KCNJ6: variants seen among roughly 807,000 people sequenced by gnomAD.
The protein encoded by KCNJ6 is G protein-activated inward rectifier potassium channel 2.
KCNJ6 carries 9 observed loss-of-function variants against 34.2 expected under a neutral mutation model. The observed-to-expected ratio is 0.26, with a 90% CI of 0.16 to 0.46. The LOEUF is 0.46. Ranked by LOEUF, KCNJ6 falls within the 20% of genes least tolerant of loss-of-function variation. The pLI is 1.00. For synonymous variants in KCNJ6, 196 were observed against 207.1 expected (o/e 0.95, Z 0.46); for missense variants, 236 against 531.3 (o/e 0.44, Z 5.46).
At chr21:37,880,504 C>G (rs13048417) in intron 1 of KCNJ6, among the ~76,000 whole-genome samples, 104 of 152,212 alleles carry the variant, frequency 6.8e-4, no homozygotes, top group Non-Finnish European at 1.1e-3. Flanking sequence ...GTAAGATCCC[C>G]AAACAAAGAA....
intron 1 of KCNJ6, among the ~76,000 whole-genome samples, chr21:37,909,621 C>T (rs907062210): frequency 3.3e-5 from 5 of 152,174 alleles, no homozygotes; most frequent in Admixed American, 6.5e-5. Flanking sequence ...CCACCTGACT[C>T]GGCCTCCTAA....
intron 2 of KCNJ6, among the ~76,000 whole-genome samples, chr21:37,807,051 G>T (rs932751009): frequency 1.3e-5 from 2 of 152,066 alleles, no homozygotes; most frequent in Non-Finnish European, 2.9e-5. Context: ...ATTTAGAAAG[G>T]TTGTTTTTCA....
chr21:37,681,440 G>A lies in KCNJ6; in HGVS notation c.946+32771C>T, dbSNP rs975571579. 2.0e-5 allele frequency among the ~76,000 whole-genome samples: 3 copies of A among 152,366 alleles called. No homozygotes were observed. The East Asian group carries it at 5.8e-4, about 29-fold the overall frequency. ...TTTTTCTTCTCTGGACAGCTCTTAT[G>A]TTGGTTTTGGTCTAAAAGAAGAGTG... On this transcript the variant is annotated intron_variant, in intron 3 of 3. Coordinates refer to ENST00000609713, the MANE Select transcript of KCNJ6 (RefSeq NM_002240.5).
intron 2 of KCNJ6, among the ~76,000 whole-genome samples, chr21:37,798,782 A>G (rs2055255361): frequency 6.6e-6 from 1 of 152,114 alleles, no homozygotes; most frequent in Non-Finnish European, 1.5e-5. Context: ...GTTTAAGAAC[A>G]CAAGGCTTCT....
At chr21:37,852,068 T>A (rs139536350) in intron 1 of KCNJ6, among the ~76,000 whole-genome samples, 5 of 152,318 alleles carry the variant, frequency 3.3e-5, no homozygotes, top group African/African-American at 7.2e-5. Flanking sequence ...ATAACCTCTG[T>A]AGCCAAACAT....
At chr21:37,754,331 A>G (rs1450352729) in intron 2 of KCNJ6, among the ~76,000 whole-genome samples, 1 of 152,204 alleles carries the variant, frequency 6.6e-6, no homozygotes, top group African/African-American at 2.4e-5. Context: ...ACTTTCTAAG[A>G]AACCATGAGA....
At chr21:37,863,382 T>C (rs1382226874) in intron 1 of KCNJ6, among the ~76,000 whole-genome samples, 1 of 152,116 alleles carries the variant, frequency 6.6e-6, no homozygotes, top group African/African-American at 2.4e-5. Context: ...TTAATATTGA[T>C]GGGTATCGCA....
At chr21:37,703,178 T>C (rs2054700485) in intron 3 of KCNJ6, among the ~76,000 whole-genome samples, 1 of 152,108 alleles carries the variant, frequency 6.6e-6, no homozygotes, top group Non-Finnish European at 1.5e-5. Context: ...TTGATGGAAA[T>C]AGAACTATTA....
chr21:37,905,190 C>A (rs1251769903), intron 1 of KCNJ6, among the ~76,000 whole-genome samples: 1 of 152,190 alleles, frequency 6.6e-6, no homozygotes, highest in Non-Finnish European at 1.5e-5. Flanking sequence ...TTTTCTATTA[C>A]TCATTTACTG....
intron 2 of KCNJ6, among the ~76,000 whole-genome samples, chr21:37,748,833 C>G (rs1399595): frequency 0.48 from 73,329 of 151,770 alleles, 18,003 homozygotes; most frequent in South Asian, 0.65. Flanking sequence ...CCCCGCAAAA[C>G]TCGGGAGCCC....
intron 1 of KCNJ6, among the ~76,000 whole-genome samples, chr21:37,884,112 G>C (rs777395252): frequency 6.6e-6 from 1 of 152,158 alleles, no homozygotes; most frequent in Non-Finnish European, 1.5e-5. Flanking sequence ...TACTTTGCTC[G>C]TGTAGAAATC....
Position 37,607,639 on chromosome 21 carries a change from G to A in KCNJ6, c.*17520C>T, listed in dbSNP as rs951541739. 6.6e-6 allele frequency: 1 copy of A among 152,012 alleles called. No homozygotes were observed. Among genetic ancestry groups the A allele is most frequent in the Non-Finnish European group, 1.5e-5 (1 of 68,000 alleles). 9.4% of individuals were successfully genotyped at this position (152,012 alleles called of 1,614,324 possible). A position where few individuals can be genotyped will look rare whatever the true frequency, so the allele number is the denominator to read the frequency against. On this transcript the variant is annotated 3_prime_UTR_variant, in exon 4 of 4. Transcript: ENST00000609713. ...AAAAGGACCAAAAAATGGGACAGGA[G>A]CCAAACCAGTACTTGAGCCCTACCT... is the stretch of plus-strand genomic sequence containing the variant.
At chr21:37,649,765 C>A (rs1346955526) in intron 3 of KCNJ6, among the ~76,000 whole-genome samples, 1 of 152,130 alleles carries the variant, frequency 6.6e-6, no homozygotes, top group African/African-American at 2.4e-5. Context: ...TGTTCTATGT[C>A]TCTAAATAGG....
chr21:37,617,112 C>A lies in KCNJ6; in HGVS notation c.*8047G>T, dbSNP rs2054273982. On this transcript the variant is annotated 3_prime_UTR_variant, in exon 4 of 4. Coordinates refer to ENST00000609713, the MANE Select transcript of KCNJ6 (RefSeq NM_002240.5). ...CTTTCTTTCTTTTCTTTCTTTCTTT[C>A]CTTCTTCCTTCCTTCCTTCTTTCTT... 1 of 127,912 alleles carries A rather than the reference C, an allele frequency of 7.8e-6. No individual in the cohort carries two copies. The highest frequency in any genetic ancestry group is 3.1e-5 in the African/African-American group (1 of 32,680). The allele number at this position is 127,912 out of a possible 1,614,324, so 7.9% of individuals were successfully genotyped here. A position where few individuals can be genotyped will look rare whatever the true frequency, so the allele number is the denominator to read the frequency against.
chr21:37,737,716 T>C (rs2054920322), intron 2 of KCNJ6, among the ~76,000 whole-genome samples: 1 of 152,204 alleles, frequency 6.6e-6, no homozygotes, highest in African/African-American at 2.4e-5. Flanking sequence ...CCCTGCTGAT[T>C]CTCTGCTCAC....
intron 3 of KCNJ6, among the ~76,000 whole-genome samples, chr21:37,713,114 G>A (rs75265640): frequency 6.6e-6 from 1 of 152,204 alleles, no homozygotes; most frequent in East Asian, 1.9e-4. Context: ...CTTGCCTGTT[G>A]GGTACAGGGA....
At chr21:37,840,936 A>C (rs915647614) in intron 1 of KCNJ6, among the ~76,000 whole-genome samples, 1 of 152,236 alleles carries the variant, frequency 6.6e-6, no homozygotes, top group Non-Finnish European at 1.5e-5. Context: ...GGAAATGAGC[A>C]TCTGTCACAC....
intron 2 of KCNJ6, among the ~76,000 whole-genome samples, chr21:37,792,183 C>T (rs543057610): frequency 6.6e-6 from 1 of 152,322 alleles, no homozygotes; most frequent in East Asian, 1.9e-4. Flanking sequence ...CCATGGGCTG[C>T]AAATGCTTGT....
At chr21:37,807,346 A>G (rs921291991) in intron 2 of KCNJ6, among the ~76,000 whole-genome samples, 9 of 152,252 alleles carry the variant, frequency 5.9e-5, no homozygotes, top group African/African-American at 2.2e-4. Context: ...ACCATTAAAA[A>G]GAAATGTAAT....
Sources: allele counts gnomAD v4.1 joint callset (sites outside exome capture counted in the v4.1 genomes callset), GRCh38; gene constraint gnomAD v4.1.1; transcripts MANE v1.5; gene names NCBI Gene and HGNC (gene_info 2026-07-23, HGNC 2026-07-21).